The following IMMP2L variants were observed in gnomAD, a reference collection of about 807,000 sequenced individuals.
IMMP2L encodes the protein mitochondrial inner membrane protease subunit 2.
In IMMP2L, 18 loss-of-function variants were observed where a neutral mutation model predicts 19.3. That is an observed-to-expected ratio of 0.93 (90% CI 0.64 to 1.38). The LOEUF (loss-of-function observed/expected upper bound fraction) is 1.38, where lower values mean the gene tolerates loss of function less well. Among genes scored for constraint, IMMP2L ranks in the 40% most tolerant of loss-of-function variants. The pLI is 0.00. For synonymous variants in IMMP2L, 76 were observed against 73.0 expected (o/e 1.04, Z -0.21); for missense variants, 233 against 218.2 (o/e 1.07, Z -0.43).
intron 3 of IMMP2L, among the ~76,000 whole-genome samples, chr7:111,277,389 T>C (rs949079262): frequency 2.6e-5 from 4 of 151,762 alleles, no homozygotes; most frequent in African/African-American, 9.7e-5. Context: ...AAACCCACAA[T>C]GAGATACCAT....
At position 110,987,806 on chromosome 7, in the gene IMMP2L, G is replaced by T. The variant is rs6946521; in HGVS notation, c.240-24241C>A. 3.9e-3 allele frequency among the ~76,000 whole-genome samples: 598 copies of T among 152,266 alleles called. 3 individuals carry two copies. The highest frequency in any genetic ancestry group is 0.014 in the African/African-American group (577 of 41,556). On this transcript the variant is annotated intron_variant, in intron 3 of 5. Transcript: ENST00000405709. ...ATGGGCAACATGGCTCTATGATTTA[G>T]TTAAGAACCATTACATTCATTTAAA...
chr7:111,132,159 A>T (rs142321815), intron 3 of IMMP2L, among the ~76,000 whole-genome samples: 1 of 152,168 alleles, frequency 6.6e-6, no homozygotes, highest in African/African-American at 2.4e-5. Flanking sequence ...AAAGAACACT[A>T]GTTTATCAAG....
chr7:111,232,958 T>C (rs1352431318), intron 3 of IMMP2L, among the ~76,000 whole-genome samples: 1 of 152,076 alleles, frequency 6.6e-6, no homozygotes, highest in Non-Finnish European at 1.5e-5. Context: ...TGGTACGATG[T>C]ACTCCCAATG....
rs867184891 is a variant in IMMP2L at position 111,451,434 on chromosome 7, C to A, written c.239+35804G>T. On this transcript the variant is annotated intron_variant, in intron 3 of 5. Transcript: ENST00000405709. ...GTAGGGACATGGATGAAATTGGAAACCATCATTCTCAGTAAACTATCGCAA... is the reference window on the plus strand; with the variant it reads ...GTAGGGACATGGATGAAATTGGAAAACATCATTCTCAGTAAACTATCGCAA... 2.0e-5 allele frequency among the ~76,000 whole-genome samples: 3 copies of A among 147,156 alleles called. No homozygotes were observed. The East Asian group carries it at 6.0e-4, about 29-fold the overall frequency.
At chr7:111,443,685 G>A (rs533423585) in intron 3 of IMMP2L, among the ~76,000 whole-genome samples, 3 of 152,218 alleles carry the variant, frequency 2.0e-5, no homozygotes, top group South Asian at 4.2e-4. Flanking sequence ...CTGAAAAGGT[G>A]CAATTATTAA....
chr7:111,106,209 T>C (rs1798532176), intron 3 of IMMP2L, among the ~76,000 whole-genome samples: 1 of 151,850 alleles, frequency 6.6e-6, no homozygotes, highest in African/African-American at 2.4e-5. Flanking sequence ...TACTTCTCAA[T>C]TGGGAACTAA....
At chr7:110,770,999 C>T (rs961282670) in intron 5 of IMMP2L, among the ~76,000 whole-genome samples, 1 of 152,102 alleles carries the variant, frequency 6.6e-6, no homozygotes, top group African/African-American at 2.4e-5. Flanking sequence ...ATCAGGGATA[C>T]TCAGAATTCA....
intron 3 of IMMP2L, among the ~76,000 whole-genome samples, chr7:111,378,668 A>T (rs1209909332): frequency 6.6e-6 from 1 of 151,946 alleles, no homozygotes; most frequent in African/African-American, 2.4e-5. Context: ...TGAACTGAAG[A>T]GTGTTTATAA....
intron 5 of IMMP2L, among the ~76,000 whole-genome samples, chr7:110,882,400 G>T (rs1809779777): frequency 1.4e-5 from 2 of 141,742 alleles, no homozygotes; most frequent in Admixed American, 7.5e-5. Flanking sequence ...TTTCTTTCTT[G>T]ACAGAGTTTC....
intron 3 of IMMP2L, among the ~76,000 whole-genome samples, chr7:111,235,450 A>C (rs1241346415): frequency 6.6e-6 from 1 of 151,768 alleles, no homozygotes; most frequent in Non-Finnish European, 1.5e-5. Flanking sequence ...CAGCCTGGGT[A>C]ACAAGAGCGA....
chr7:111,007,762 A>G (rs188122872), intron 3 of IMMP2L, among the ~76,000 whole-genome samples: 55 of 151,914 alleles, frequency 3.6e-4, no homozygotes, highest in African/African-American at 1.3e-3. Context: ...GGTGTATTCA[A>G]TCCAAACTTC....
chr7:110,669,028 TGTGTGTGTGTGTGTGTGTGTGTGC>T (rs1161533822), intron 5 of IMMP2L, among the ~76,000 whole-genome samples: 29 of 6,916 alleles, frequency 4.2e-3, no homozygotes, highest in South Asian at 0.031. Context: ...ACCAACAGTA[TGTGTGTGTGTGTGTGTGTGTGTGC>T]GTGTGTGTGT....
Position 111,494,774 on chromosome 7 carries a change from AATG to A in IMMP2L, c.136-7436_136-7434del, listed in dbSNP as rs557152052. Among the ~76,000 whole-genome samples the A allele has an allele frequency of 1.1e-3, 168 of 152,278 alleles. 1 individual carries two copies. The highest frequency in any genetic ancestry group is 2.1e-3 in the Non-Finnish European group (143 of 68,004). On this transcript the variant is annotated intron_variant, in intron 2 of 5. Coordinates refer to ENST00000405709, the MANE Select transcript of IMMP2L (RefSeq NM_032549.4). ...AGTAGCAGTCAACAAATAGGACACT[AATG>A]ATGATGGCAACAATAACAAAATAAA...
At chr7:111,064,507 A>G (rs1251994867) in intron 3 of IMMP2L, among the ~76,000 whole-genome samples, 4 of 152,118 alleles carry the variant, frequency 2.6e-5, no homozygotes, top group Non-Finnish European at 4.4e-5. Flanking sequence ...TGTTTCTCCC[A>G]TATCTAGGAT....
intron 5 of IMMP2L, among the ~76,000 whole-genome samples, chr7:110,873,565 A>T (rs1808755614): frequency 6.6e-6 from 1 of 150,792 alleles, no homozygotes; most frequent in Non-Finnish European, 1.5e-5. Context: ...GGAGTTCGAC[A>T]CAAGCCTGGC....
chr7:111,195,064 G>A (rs538691629), intron 3 of IMMP2L, among the ~76,000 whole-genome samples: 42 of 152,142 alleles, frequency 2.8e-4, no homozygotes, highest in African/African-American at 9.9e-4. Flanking sequence ...TATTTAATAT[G>A]TTAGGTCTTA....
intron 3 of IMMP2L, among the ~76,000 whole-genome samples, chr7:111,466,500 T>C (rs1165217808): frequency 6.6e-6 from 1 of 152,154 alleles, no homozygotes; most frequent in Admixed American, 6.6e-5. Flanking sequence ...ATTCCCTTAC[T>C]TGGCTTAGCA....
chr7:111,465,341 C>T (rs569971064), intron 3 of IMMP2L, among the ~76,000 whole-genome samples: 1 of 151,972 alleles, frequency 6.6e-6, no homozygotes, highest in Admixed American at 6.6e-5. Flanking sequence ...CCACTCACTT[C>T]CTGGGGTCTA....
At chr7:111,309,963 G>A (rs1055062379) in intron 3 of IMMP2L, among the ~76,000 whole-genome samples, 15 of 151,862 alleles carry the variant, frequency 9.9e-5, no homozygotes, top group South Asian at 4.2e-4. Context: ...GGCCGGGCAC[G>A]GTGGCTCACA....
Sources: allele counts gnomAD v4.1 joint callset (sites outside exome capture counted in the v4.1 genomes callset), GRCh38; gene constraint gnomAD v4.1.1; transcripts MANE v1.5; gene names NCBI Gene and HGNC (gene_info 2026-07-23, HGNC 2026-07-21).